The following RC3H1 variants were observed in gnomAD, a reference collection of about 807,000 sequenced individuals.
The protein encoded by RC3H1 is roquin-1.
RC3H1 carries 50 observed loss-of-function variants against 138.2 expected under a neutral mutation model. The ratio of observed to expected loss-of-function variants is 0.36; its 90% CI spans 0.29 to 0.46. The LOEUF (loss-of-function observed/expected upper bound fraction) is 0.46. Ranked by LOEUF, RC3H1 falls within the 20% of genes least tolerant of loss-of-function variation. The pLI is 1.00. For synonymous variants in RC3H1, 462 were observed against 489.1 expected (o/e 0.94, Z 0.73); for missense variants, 1,031 against 1,388.1 (o/e 0.74, Z 4.09).
chr1:173,941,129 T>A lies in RC3H1; in HGVS notation c.3251+136A>T, dbSNP rs1390913106. 1.4e-5 allele frequency: 9 copies of A among 652,022 alleles called. No homozygotes were observed. In the East Asian group the frequency reaches 2.6e-4, roughly 19 times the overall value. The allele number at this position is 652,022 out of a possible 1,614,324, so 40.4% of individuals were successfully genotyped here. A position where few individuals can be genotyped will look rare whatever the true frequency, so the allele number is the denominator to read the frequency against. On this transcript the variant is annotated intron_variant, in intron 19 of 19. Coordinates refer to ENST00000367696, the MANE Select transcript of RC3H1 (RefSeq NM_172071.4). ...CCACTGCGCCCGGCCGCAAAAATAT[T>A]CTTTATGTACACAGAATAATGATAT...
intron 1 of RC3H1, among the ~76,000 whole-genome samples, chr1:174,002,365 A>T (rs1274754359): frequency 6.6e-6 from 1 of 152,160 alleles, no homozygotes; most frequent in Non-Finnish European, 1.5e-5. Context: ...AGAAAATCTA[A>T]CCTGTGCCTG....
chr1:173,947,310 G>A (rs1659175741), intron 15 of RC3H1, 59 bp downstream of exon 15: 3 of 1,131,648 alleles, frequency 2.7e-6, no homozygotes, highest in Admixed American at 3.4e-5. Flanking sequence ...GAGAGCAGGG[G>A]TAATGCTGAA....
intron 18 of RC3H1, among the ~76,000 whole-genome samples, 155 bp downstream of exon 18, chr1:173,943,287 A>C (rs915381213): frequency 2.0e-5 from 3 of 152,202 alleles, no homozygotes; most frequent in Non-Finnish European, 4.4e-5. Flanking sequence ...GGGAATGATA[A>C]AATCGGAAGG....
intron 1 of RC3H1, among the ~76,000 whole-genome samples, chr1:174,010,877 G>A (rs1661737832): frequency 6.6e-6 from 1 of 152,148 alleles, no homozygotes; most frequent in Non-Finnish European, 1.5e-5. Context: ...TATGTTCACT[G>A]AGGAGTGATT....
At position 173,972,517 on chromosome 1, in the gene RC3H1, G is replaced by C. The variant is rs1375714662; in HGVS notation, c.1213C>G (p.Gln405Glu). The change falls in exon 8 of 20, where the codon CAG becomes GAG. Residue 405 changes from glutamine to glutamate, a missense_variant. Gln to Glu is a conservative substitution (Grantham distance 29). Transcript: ENST00000367696. ...IQNHSKKGAD[Q>E]QQPPQHSKYK... is the part of the protein sequence containing the mutation. The stretch of plus-strand genomic sequence containing the variant: ...TTAAACAGCTTCCTTACCTGCTGCT[G>C]ATCTGCTCCTTTTTTGCTGTGGTTC... 2 of 1,611,864 alleles carry C rather than the reference G, an allele frequency of 1.2e-6. No individual in the cohort carries two copies.
At chr1:174,014,667 C>T (rs12072602) in intron 1 of RC3H1, among the ~76,000 whole-genome samples, 43,966 of 152,032 alleles carry the variant, frequency 0.29, 11,369 homozygotes, top group African/African-American at 0.7. Context: ...AAATAACATT[C>T]ATTAAAGGTG....
At chr1:173,961,651 T>C in intron 12 of RC3H1, 74 bp downstream of exon 12, 6 of 1,354,024 alleles carry the variant, frequency 4.4e-6, no homozygotes, top group Non-Finnish European at 6.1e-6. Flanking sequence ...GTTATTGTCA[T>C]TGCATAAAAA....
chr1:173,971,983 A>T (rs1362995953), intron 8 of RC3H1, among the ~76,000 whole-genome samples: 1 of 152,198 alleles, frequency 6.6e-6, no homozygotes, highest in African/African-American at 2.4e-5. Context: ...ATAAGAAGTT[A>T]TTATATTCTA....
At chr1:174,007,207 G>A (rs1205050300) in intron 1 of RC3H1, among the ~76,000 whole-genome samples, 1 of 152,012 alleles carries the variant, frequency 6.6e-6, no homozygotes, top group Non-Finnish European at 1.5e-5. Context: ...GGCTAACACG[G>A]GGAAACACCA....
chr1:173,941,684 C>T (rs1055361938), intron 18 of RC3H1, among the ~76,000 whole-genome samples: 7 of 152,294 alleles, frequency 4.6e-5, no homozygotes, highest in South Asian at 2.1e-4. Context: ...GCCTGTAATA[C>T]CAGCAGTTTA....
At chr1:174,014,215 C>CTTTA (rs1323071858) in intron 1 of RC3H1, among the ~76,000 whole-genome samples, 1 of 152,168 alleles carries the variant, frequency 6.6e-6, no homozygotes, top group Non-Finnish European at 1.5e-5. Flanking sequence ...GAACTATGGA[C>CTTTA]TTTAGTTAAT....
chr1:173,957,690 C>G (rs1659706828), intron 13 of RC3H1, among the ~76,000 whole-genome samples: 1 of 151,880 alleles, frequency 6.6e-6, no homozygotes, highest in Non-Finnish European at 1.5e-5. Context: ...TCCCAAGTAG[C>G]TGGGACTGTA....
chr1:173,983,821 T>C (rs1571221781), intron 3 of RC3H1, among the ~76,000 whole-genome samples, 164 bp from the exon 4 acceptor site: 1 of 152,210 alleles, frequency 6.6e-6, no homozygotes, highest in African/African-American at 2.4e-5. Flanking sequence ...CTTACTTAAG[T>C]ATACATTTTT....
chr1:173,948,841 C>A (rs151240702), intron 14 of RC3H1, among the ~76,000 whole-genome samples: 11,053 of 152,148 alleles, frequency 0.073, 598 homozygotes, highest in East Asian at 0.32. Context: ...CCACCTTGGC[C>A]TCCCAAAGTG....
chr1:173,974,971 G>A (rs1191122707), intron 7 of RC3H1, among the ~76,000 whole-genome samples: 2 of 152,108 alleles, frequency 1.3e-5, no homozygotes, highest in Non-Finnish European at 2.9e-5. Flanking sequence ...AGAGAAAGAA[G>A]AGGTTTTTGG....
intron 17 of RC3H1, among the ~76,000 whole-genome samples, chr1:173,945,524 A>C (rs116383932): frequency 1.0e-3 from 158 of 152,324 alleles, no homozygotes; most frequent in African/African-American, 3.7e-3. Flanking sequence ...TCGTGTTTCA[A>C]CTTCTGAGAA....
chr1:173,970,999 T>C (rs1422453010), intron 8 of RC3H1, among the ~76,000 whole-genome samples: 1 of 151,062 alleles, frequency 6.6e-6, no homozygotes, highest in African/African-American at 2.4e-5. Context: ...TCTTACTCTG[T>C]TGCCCGGGCT....
In RC3H1 at chr1:173,959,863, T is replaced by C. The variant is rs187786519; in HGVS notation, c.2370+1214A>G. ...TCTCATGCCTGTAATCCCAACACTT[T>C]GGGAAGCTGAGGTGGGAGGATCACC... On this transcript the variant is annotated intron_variant, in intron 13 of 19. Transcript: ENST00000367696. Among the ~76,000 whole-genome samples, 171 of 152,052 alleles carry C rather than the reference T, an allele frequency of 1.1e-3. 1 individual carries two copies. Among genetic ancestry groups the C allele is most frequent in the African/African-American group, 4.0e-3 (167 of 41,480 alleles).
intron 9 of RC3H1, among the ~76,000 whole-genome samples, chr1:173,966,941 T>C (rs1052600489): frequency 6.6e-6 from 1 of 152,196 alleles, no homozygotes; most frequent in Non-Finnish European, 1.5e-5. Flanking sequence ...TTGAGTCATA[T>C]ATTACTGCTA....
Sources: gnomAD v4.1 joint callset for allele counts (sites outside exome capture counted in the v4.1 genomes callset) on GRCh38, gnomAD v4.1.1 for gene constraint, MANE v1.5 for transcripts, NCBI Gene and HGNC (gene_info 2026-07-23, HGNC 2026-07-21) for gene names.